The following MYLK4 variants were observed in gnomAD, a reference collection of about 807,000 sequenced individuals.
MYLK4 encodes the protein caMLCK like.
Under a neutral mutation model 48.1 loss-of-function variants are expected in MYLK4, and 46 were observed. The observed-to-expected ratio is 0.96, with a 90% CI of 0.75 to 1.22. The LOEUF is 1.22. Among genes scored for constraint, MYLK4 ranks in the 50% most tolerant of loss-of-function variants. MYLK4 has a pLI of 0.00. For synonymous variants in MYLK4, 170 were observed against 180.8 expected (o/e 0.94, Z 0.48); for missense variants, 451 against 486.1 (o/e 0.93, Z 0.68).
At chr6:2,761,584 G>C in the MYLK4 span, among the ~76,000 whole-genome samples, 1 of 152,134 alleles carries the variant, frequency 6.6e-6, no homozygotes, top group African/African-American at 2.4e-5. Flanking sequence ...CTTTCACATT[G>C]ACAAGTTCAC....
Position 2,672,731 on chromosome 6 carries a change from A to T in MYLK4, c.1120-1383T>A, listed in dbSNP as rs758390069. On this transcript the variant is annotated intron_variant, in intron 11 of 12. Transcript: ENST00000274643. The surrounding 1 kb of genome is among the most constrained non-coding windows in gnomAD (Gnocchi z 4.3). The stretch of plus-strand genomic sequence containing the variant: ...TGATTTTCAGTAACACTAAAACTGT[A>T]TGGTACAAGAAAGGCTCTGGAAGCA... Among the ~76,000 whole-genome samples, 1 of 152,230 alleles carries T rather than the reference A, an allele frequency of 6.6e-6. No individual in the cohort carries two copies. The highest frequency in any genetic ancestry group is 1.5e-5 in the Non-Finnish European group (1 of 68,032).
At chr6:2,765,029 C>A in the MYLK4 span, among the ~76,000 whole-genome samples, 3 of 152,182 alleles carry the variant, frequency 2.0e-5, no homozygotes, top group African/African-American at 7.2e-5. Flanking sequence ...ATTCAACAGC[C>A]CAGCACGGAA....
Position 2,725,948 on chromosome 6 carries a change from C to T in MYLK4, c.159+23188G>A, listed in dbSNP as rs534916002. 2.6e-5 allele frequency among the ~76,000 whole-genome samples: 4 copies of T among 152,274 alleles called. 1 individual carries two copies. In the South Asian group the frequency reaches 6.2e-4, roughly 24 times the overall value. ...CTCTATTTCATAAGGCGCTCTAGCA[C>T]GGAACAAGCTCAGTGTTTGGAAGGT... On this transcript the variant is annotated intron_variant, in intron 2 of 12. Coordinates refer to ENST00000274643, the MANE Select transcript of MYLK4 (RefSeq NM_001012418.5).
At chr6:2,755,366 C>T (rs781152346), upstream of MYLK4, among the ~76,000 whole-genome samples, 2 of 151,966 alleles carry the variant, frequency 1.3e-5, no homozygotes, top group African/African-American at 4.8e-5. Context: ...CTCTCTTTTG[C>T]GAGTAAGATG....
chr6:2,682,518 T>C (rs1031801769), intron 7 of MYLK4, among the ~76,000 whole-genome samples: 1 of 152,082 alleles, frequency 6.6e-6, no homozygotes, highest in Non-Finnish European at 1.5e-5. Context: ...CTTCCGACTG[T>C]CCTCTGCTGC....
At chr6:2,734,099 C>T (rs1434433004) in intron 2 of MYLK4, among the ~76,000 whole-genome samples, 3 of 152,070 alleles carry the variant, frequency 2.0e-5, no homozygotes, top group East Asian at 1.9e-4. Flanking sequence ...CTAAAACCAG[C>T]GACAGTAGAA....
chr6:2,748,996 C>T (rs1016202678), intron 2 of MYLK4, 140 bp downstream of exon 2: 5 of 723,662 alleles, frequency 6.9e-6, no homozygotes, highest in Non-Finnish European at 1.1e-5. Context: ...ATAGTCGACA[C>T]ACACAATTCT....
intron 2 of MYLK4, among the ~76,000 whole-genome samples, chr6:2,730,110 T>A (rs1240299675): frequency 5.9e-5 from 9 of 152,254 alleles, no homozygotes; most frequent in Admixed American, 5.9e-4. Context: ...GCAGGCCATC[T>A]GCCTGCAGCA....
Position 2,664,572 on chromosome 6 carries a change from C to T in MYLK4, c.*3353G>A, listed in dbSNP as rs955340325. ...GCAGATTCTGTTCCTAGTATCAAAT[C>T]CATATTTTGATTCTTAAAAGAGAAA... On this transcript the variant is annotated 3_prime_UTR_variant, in exon 13 of 13. Coordinates refer to ENST00000274643, the MANE Select transcript of MYLK4 (RefSeq NM_001012418.5). 4.0e-5 allele frequency: 6 copies of T among 151,830 alleles called. No individual in the cohort carries two copies. The highest frequency in any genetic ancestry group is 2.6e-4 in the Admixed American group (4 of 15,278). The allele number at this position is 151,830 out of a possible 1,614,324, so 9.4% of individuals were successfully genotyped here.
chr6:2,763,659 TC>T, the MYLK4 span, among the ~76,000 whole-genome samples: 1 of 152,072 alleles, frequency 6.6e-6, no homozygotes, highest in Non-Finnish European at 1.5e-5. Context: ...CCACCATACT[TC>T]CCCACAAGCT....
At chr6:2,675,762 C>T (rs1327649717) in intron 10 of MYLK4, among the ~76,000 whole-genome samples, 1 of 152,056 alleles carries the variant, frequency 6.6e-6, no homozygotes, top group East Asian at 1.9e-4. Flanking sequence ...GTTTGATGTG[C>T]TAACATTTAT....
At position 2,678,991 on chromosome 6, in the gene MYLK4, C is replaced by G. The variant is rs557154526; in HGVS notation, c.887+289G>C. Among the ~76,000 whole-genome samples, 33 of 152,174 alleles carry G rather than the reference C, an allele frequency of 2.2e-4. No individual in the cohort carries two copies. The East Asian group carries it at 5.8e-3, about 27-fold the overall frequency. ...TGCTGGGATTACAGGCTTGAGCCAC[C>G]GCGCCAGGCCATGTGAGCTTTTTAA... On this transcript the variant is annotated intron_variant, in intron 9 of 12. Coordinates refer to ENST00000274643, the MANE Select transcript of MYLK4 (RefSeq NM_001012418.5).
Position 2,749,269 on chromosome 6 carries a change from T to A in MYLK4, c.26A>T (p.Glu9Val), listed in dbSNP as rs1254074609. 6.2e-7 allele frequency: 1 copy of A among 1,613,908 alleles called. No homozygotes were observed. The highest frequency in any genetic ancestry group is 1.7e-5 in the Admixed American group (1 of 60,000). The change falls in exon 2 of 13, where the codon GAA becomes GTA. Residue 9 changes from glutamate to valine, a missense_variant. Coordinates refer to ENST00000274643, the MANE Select transcript of MYLK4 (RefSeq NM_001012418.5). ...GTTGCTGTTATAACACGTGTTGAAT[T>A]CTTCCAGCCTCTTCACTTTTAACAT... MLKVKRLE[E>V]FNTCYNSNQL...
At chr6:2,691,003 G>C (rs1761773193) in intron 3 of MYLK4, among the ~76,000 whole-genome samples, 1 of 151,562 alleles carries the variant, frequency 6.6e-6, no homozygotes, top group South Asian at 2.1e-4. Flanking sequence ...TAATTTTTTT[G>C]TATTTTTAAA....
intron 2 of MYLK4, among the ~76,000 whole-genome samples, chr6:2,723,257 C>A (rs1339353713): frequency 6.6e-6 from 1 of 152,182 alleles, no homozygotes; most frequent in African/African-American, 2.4e-5. Context: ...CACGTCACCG[C>A]ACTCCAGCCT....
chr6:2,712,218 T>C (rs185459111), intron 2 of MYLK4, among the ~76,000 whole-genome samples: 1 of 152,312 alleles, frequency 6.6e-6, no homozygotes, highest in Non-Finnish European at 1.5e-5. Context: ...CCACCTGAGA[T>C]GATAAATGAC....
chr6:2,767,696 A>T, the MYLK4 span, among the ~76,000 whole-genome samples: 2 of 152,232 alleles, frequency 1.3e-5, no homozygotes, highest in Non-Finnish European at 2.9e-5. Context: ...ATGAGAATGG[A>T]TAATCAGCTG....
At chr6:2,763,907 G>A in the MYLK4 span, among the ~76,000 whole-genome samples, 2 of 152,114 alleles carry the variant, frequency 1.3e-5, no homozygotes, top group African/African-American at 2.4e-5. Flanking sequence ...AGCACTTTGG[G>A]AGACCGAGGT....
chr6:2,725,198 C>T (rs533555172), intron 2 of MYLK4, among the ~76,000 whole-genome samples: 1 of 152,124 alleles, frequency 6.6e-6, no homozygotes, highest in East Asian at 1.9e-4. Flanking sequence ...TGGCTCATGC[C>T]TATAATCCCA....
Sources: gnomAD v4.1 joint callset for allele counts (sites outside exome capture counted in the v4.1 genomes callset) on GRCh38, gnomAD v4.1.1 for gene constraint, Gnocchi (gnomAD v3.1) non-coding constraint, MANE v1.5 for transcripts, NCBI Gene and HGNC (gene_info 2026-07-23, HGNC 2026-07-21) for gene names.